ANTXR1: variants seen among roughly 807,000 people sequenced by gnomAD.
ANTXR1 encodes ANTXR cell adhesion molecule 1.
ANTXR1 carries 19 observed loss-of-function variants against 78.1 expected under a neutral mutation model. That is an observed-to-expected ratio of 0.24 (90% CI 0.17 to 0.36). The LOEUF is 0.36. ANTXR1 is among the 10% of genes least tolerant of loss of function. ANTXR1 has a pLI of 1.00. For synonymous variants in ANTXR1, 273 were observed against 260.5 expected, an observed-to-expected ratio of 1.05 and a Z score of -0.46; for missense variants, 518 against 718.6, an observed-to-expected ratio of 0.72 and a Z score of 3.19.
At position 69,246,827 on chromosome 2, in the gene ANTXR1, A is replaced by T. The variant is rs1053262988; in HGVS notation, c.*1342A>T. ...ATAAAAACAGAGATCATTGTCTTGG[A>T]CCTCCTGCATCAGCCTATTCAAAAT... On this transcript the variant is annotated 3_prime_UTR_variant, in exon 18 of 18. Coordinates refer to ENST00000303714, the MANE Select transcript of ANTXR1 (RefSeq NM_032208.3). The T allele has an allele frequency of 2.0e-5, 3 of 152,000 alleles. No individual in the cohort carries two copies. Among genetic ancestry groups the T allele is most frequent in the Non-Finnish European group, 4.4e-5 (3 of 68,000 alleles). 9.4% of individuals were successfully genotyped at this position (152,000 alleles called of 1,614,324 possible).
chr2:69,056,677 A>T (rs1004792521), intron 3 of ANTXR1, among the ~76,000 whole-genome samples: 29 of 152,102 alleles, frequency 1.9e-4, no homozygotes, highest in East Asian at 1.2e-3. Context: ...AACTTTTTTT[A>T]AAATTTTATT....
intron 1 of ANTXR1, among the ~76,000 whole-genome samples, chr2:69,029,029 C>T (rs936596033): frequency 6.5e-5 from 9 of 139,008 alleles, no homozygotes; most frequent in African/African-American, 2.9e-4. Context: ...CCAGCCTGGG[C>T]AACATGTTGA....
At chr2:69,150,280 G>C (rs1673357333) in intron 12 of ANTXR1, among the ~76,000 whole-genome samples, 1 of 152,196 alleles carries the variant, frequency 6.6e-6, no homozygotes, top group Non-Finnish European at 1.5e-5. Context: ...GGAGAAGAGG[G>C]AGCAGCTTTG....
intron 1 of ANTXR1, among the ~76,000 whole-genome samples, chr2:69,024,603 C>T (rs528512918): frequency 8.5e-5 from 13 of 152,082 alleles, no homozygotes; most frequent in Non-Finnish European, 1.8e-4. Flanking sequence ...ATGCTTTCTC[C>T]TGAAATCATC....
intron 17 of ANTXR1, among the ~76,000 whole-genome samples, chr2:69,195,453 T>C (rs1436008679): frequency 6.6e-6 from 1 of 152,212 alleles, no homozygotes; most frequent in African/African-American, 2.4e-5. Flanking sequence ...TTTCATAGTT[T>C]ATGTGAGCCA....
chr2:69,181,997 CG>C, intron 15 of ANTXR1, 116 bp downstream of exon 15: 3 of 991,742 alleles, frequency 3.0e-6, no homozygotes, highest in Non-Finnish European at 3.2e-6. Context: ...GCAGTATGGC[CG>C]TAGACCACAC....
chr2:69,178,256 C>T (rs911047616), intron 14 of ANTXR1, among the ~76,000 whole-genome samples: 4 of 152,258 alleles, frequency 2.6e-5, no homozygotes, highest in African/African-American at 7.2e-5. Context: ...CAAAACCCTT[C>T]TGTCTCCAGA....
intron 3 of ANTXR1, among the ~76,000 whole-genome samples, chr2:69,050,823 CT>C (rs1669909752): frequency 6.6e-6 from 1 of 152,056 alleles, no homozygotes; most frequent in Admixed American, 6.6e-5. Context: ...AAGCTATTTT[CT>C]TTTCTCTTAT....
At chr2:69,036,634 T>A (rs1440958169) in intron 1 of ANTXR1, among the ~76,000 whole-genome samples, 1 of 152,166 alleles carries the variant, frequency 6.6e-6, no homozygotes, top group African/African-American at 2.4e-5. Context: ...GTAACCAGAA[T>A]TTCAAAGATT....
At chr2:69,076,837 C>T (rs1430187250) in intron 7 of ANTXR1, among the ~76,000 whole-genome samples, 1 of 152,230 alleles carries the variant, frequency 6.6e-6, no homozygotes, top group African/African-American at 2.4e-5. Flanking sequence ...CAGAACCACA[C>T]AGAGATCTGG....
chr2:69,070,118 C>T (rs1670523789), intron 3 of ANTXR1, among the ~76,000 whole-genome samples: 1 of 152,196 alleles, frequency 6.6e-6, no homozygotes, highest in African/African-American at 2.4e-5. Flanking sequence ...CAGGCACCGG[C>T]CCACAGAAAA....
intron 9 of ANTXR1, among the ~76,000 whole-genome samples, chr2:69,091,733 C>G (rs1008348561): frequency 3.3e-5 from 5 of 152,198 alleles, no homozygotes; most frequent in Admixed American, 2.6e-4. Flanking sequence ...CCAGTCCTCA[C>G]ACAATGGTAG....
At chr2:69,115,117 A>G (rs1015298105) in intron 10 of ANTXR1, among the ~76,000 whole-genome samples, 5 of 152,166 alleles carry the variant, frequency 3.3e-5, no homozygotes, top group African/African-American at 1.2e-4. Flanking sequence ...CCTGGTCTCT[A>G]CCCACTAGAT....
intron 8 of ANTXR1, among the ~76,000 whole-genome samples, chr2:69,079,830 C>T (rs145115698): frequency 2.0e-5 from 3 of 152,250 alleles, no homozygotes; most frequent in African/African-American, 7.2e-5. Flanking sequence ...TCTTATGAGC[C>T]GTGTGCCTAA....
At chr2:69,024,088 A>G (rs1331160827) in intron 1 of ANTXR1, among the ~76,000 whole-genome samples, 1 of 152,212 alleles carries the variant, frequency 6.6e-6, no homozygotes, top group Non-Finnish European at 1.5e-5. Context: ...GAAAAAAATA[A>G]TAAATGAGAC....
At chr2:69,063,569 C>A (rs1670309289) in intron 3 of ANTXR1, among the ~76,000 whole-genome samples, 1 of 149,662 alleles carries the variant, frequency 6.7e-6, no homozygotes, top group African/African-American at 2.4e-5. Context: ...AAACTAGATC[C>A]ACAAAAAACA....
intron 16 of ANTXR1, among the ~76,000 whole-genome samples, chr2:69,190,384 C>T (rs998825336): frequency 3.3e-5 from 5 of 152,170 alleles, no homozygotes; most frequent in Non-Finnish European, 4.4e-5. Flanking sequence ...AGAAGATGGA[C>T]AGATGCATGC....
intron 13 of ANTXR1, among the ~76,000 whole-genome samples, chr2:69,164,990 G>C (rs1011216986): frequency 9.2e-5 from 14 of 152,222 alleles, no homozygotes; most frequent in African/African-American, 3.4e-4. Context: ...GAGGTATGGG[G>C]CTCCAGGAAA....
At chr2:69,222,466 C>T (rs1479244204) in intron 17 of ANTXR1, among the ~76,000 whole-genome samples, 3 of 152,190 alleles carry the variant, frequency 2.0e-5, no homozygotes, top group Non-Finnish European at 4.4e-5. Context: ...CATCTGCCCC[C>T]ACAGCAAAGT....
Sources: allele counts gnomAD v4.1 joint callset (sites outside exome capture counted in the v4.1 genomes callset), GRCh38; gene constraint gnomAD v4.1.1; transcripts MANE v1.5; gene names NCBI Gene and HGNC (gene_info 2026-07-23, HGNC 2026-07-21).